SLC25A14: variants seen among roughly 807,000 people sequenced by gnomAD.
SLC25A14 encodes solute carrier family 25 member 14.
A neutral mutation model predicts 28.1 loss-of-function variants in SLC25A14; 8 were observed. The observed-to-expected ratio is 0.28, with a 90% CI of 0.17 to 0.51. The LOEUF (loss-of-function observed/expected upper bound fraction) is 0.51. Ranked by LOEUF, SLC25A14 falls within the 20% of genes least tolerant of loss-of-function variation. The pLI, the probability that SLC25A14 is intolerant of heterozygous loss-of-function variation, is 0.97. For missense variants in SLC25A14, 135 were observed against 263.8 expected (o/e 0.51, Z 3.38); for synonymous variants, 74 against 90.6 (o/e 0.82, Z 1.04).
intron 7 of SLC25A14, among the ~76,000 whole-genome samples, chrX:130,364,008 C>T (rs2034049103): frequency 8.9e-6 from 1 of 112,114 alleles, no homozygotes; most frequent in Non-Finnish European, 1.9e-5. Flanking sequence ...GCTGGGATTA[C>T]AGGCATGAGC....
intron 2 of SLC25A14, among the ~76,000 whole-genome samples, chrX:130,342,005 A>C (rs1269758639): frequency 8.9e-6 from 1 of 112,086 alleles, no homozygotes; most frequent in Non-Finnish European, 1.9e-5. Context: ...ACATAGGTAA[A>C]GGATGTCACA....
chrX:130,371,491 G>A (rs1043335329), intron 9 of SLC25A14, 73 bp from the exon 10 acceptor site: 35 of 731,522 alleles, frequency 4.8e-5, no homozygotes, highest in Non-Finnish European at 7.1e-5. Context: ...TTGCCCTGGG[G>A]TGGGAGTGGA....
intron 7 of SLC25A14, chrX:130,358,986 T>A: frequency 1.0e-6 from 1 of 1,003,860 alleles, no homozygotes; most frequent in Non-Finnish European, 1.3e-6. Context: ...ACAGTGAATG[T>A]AGTTGTTCAG....
chrX:130,357,476 G>C (rs1196966588), intron 6 of SLC25A14, among the ~76,000 whole-genome samples: 1 of 111,888 alleles, frequency 8.9e-6, no homozygotes, highest in Non-Finnish European at 1.9e-5. Context: ...TAGCCCCTCT[G>C]TTGTCAGGAA....
In SLC25A14 at chrX:130,365,759, C is replaced by T. The variant is rs1402242512; in HGVS notation, c.855+83C>T. 8 of 663,200 alleles carry T rather than the reference C, an allele frequency of 1.2e-5. No individual in the cohort carries two copies. The East Asian group carries it at 2.8e-4, about 23-fold the overall frequency. The allele number at this position is 663,200 out of a possible 1,213,427, so 54.7% of individuals were successfully genotyped here. A position where few individuals can be genotyped will look rare whatever the true frequency, so the allele number is the denominator to read the frequency against. ...CTTCAGTTCTTATTATTAGTTGCTA[C>T]ATACCATTTTGAAGATGAAAGAATC... On this transcript the variant is annotated intron_variant, in intron 9 of 10. Coordinates refer to ENST00000545805, the MANE Select transcript of SLC25A14 (RefSeq NM_001282195.2).
intron 2 of SLC25A14, among the ~76,000 whole-genome samples, chrX:130,344,684 C>T (rs2033372955): frequency 9.0e-6 from 1 of 111,582 alleles, no homozygotes; most frequent in African/African-American, 3.3e-5. Context: ...TTATATATAG[C>T]TAGAAACCCT....
chrX:130,344,919 A>G (rs1015043592), intron 2 of SLC25A14, among the ~76,000 whole-genome samples: 1 of 111,422 alleles, frequency 9.0e-6, no homozygotes, highest in Non-Finnish European at 1.9e-5. Flanking sequence ...TGAATATAAC[A>G]TTAAAGAAAC....
chrX:130,350,857 T>C, intron 6 of SLC25A14, 126 bp downstream of exon 6: 1 of 371,730 alleles, frequency 2.7e-6, no homozygotes, highest in East Asian at 4.1e-5. Context: ...TAAGCCTCAA[T>C]TTCATCATTT....
At chrX:130,365,008 A>G in intron 8 of SLC25A14, 2 of 836,874 alleles carry the variant, frequency 2.4e-6, no homozygotes, top group Non-Finnish European at 2.9e-6. Context: ...ACATTTATCC[A>G]TACATAGCTT....
Position 130,349,235 on chromosome X carries a change from C to CTT in SLC25A14, c.318-5_318-4dup, listed in dbSNP as rs34538632. 253 of 850,943 alleles carry CTT rather than the reference C, an allele frequency of 3.0e-4. No homozygotes were observed. The highest frequency in any genetic ancestry group is 6.2e-4 in the Middle Eastern group (2 of 3,204). The allele number at this position is 850,943 out of a possible 1,213,427, so 70.1% of individuals were successfully genotyped here. A position where few individuals can be genotyped will look rare whatever the true frequency, so the allele number is the denominator to read the frequency against. ...TGAAAATGTTGAGAATAACTTTTTA[C>CTT]TTTTTTTTTTTTCAGAATTGCTCCT... On this transcript the variant is annotated splice_polypyrimidine_tract_variant and intron_variant, in intron 4 of 10. Coordinates refer to ENST00000545805, the MANE Select transcript of SLC25A14 (RefSeq NM_001282195.2).
intron 3 of SLC25A14, among the ~76,000 whole-genome samples, chrX:130,345,528 A>G (rs2033406668): frequency 9.0e-6 from 1 of 111,692 alleles, no homozygotes; most frequent in African/African-American, 3.2e-5. Context: ...AGTAAAATAC[A>G]TGAATATATA....
intron 7 of SLC25A14, among the ~76,000 whole-genome samples, chrX:130,363,709 G>C (rs1301308907): frequency 9.0e-6 from 1 of 111,409 alleles, no homozygotes; most frequent in Non-Finnish European, 1.9e-5. Context: ...ACCAACACTT[G>C]CTCTTTTACT....
intron 7 of SLC25A14, among the ~76,000 whole-genome samples, chrX:130,360,377 C>T (rs1486838964): frequency 9.0e-6 from 1 of 111,197 alleles, no homozygotes; most frequent in African/African-American, 3.3e-5. Flanking sequence ...CATACTGCAT[C>T]ACAGCAGGAG....
At chrX:130,344,289 T>G (rs2033356648) in intron 2 of SLC25A14, among the ~76,000 whole-genome samples, 1 of 111,550 alleles carries the variant, frequency 9.0e-6, no homozygotes, top group Admixed American at 9.6e-5. Context: ...TTCTAGATGA[T>G]TCTAATACAT....
intron 7 of SLC25A14, among the ~76,000 whole-genome samples, chrX:130,364,204 C>T (rs1214751674): frequency 1.8e-5 from 2 of 111,666 alleles, no homozygotes; most frequent in African/African-American, 6.5e-5. Context: ...GGTCTTTTGG[C>T]CATTTTAAAA....
At chrX:130,351,757 A>C (rs1375423134) in intron 6 of SLC25A14, among the ~76,000 whole-genome samples, 1 of 111,363 alleles carries the variant, frequency 9.0e-6, no homozygotes, top group Non-Finnish European at 1.9e-5. Context: ...ATTTATTGCA[A>C]TTCAGAGAGG....
At chrX:130,371,460 G>A in intron 9 of SLC25A14, 104 bp from the exon 10 acceptor site, 1 of 530,834 alleles carries the variant, frequency 1.9e-6, no homozygotes, top group South Asian at 2.9e-5. Context: ...TTAGAGAAAA[G>A]ACTATTCATG....
At chrX:130,346,377 A>G (rs914151054) in intron 3 of SLC25A14, among the ~76,000 whole-genome samples, 167 bp from the exon 4 acceptor site, 1 of 112,024 alleles carries the variant, frequency 8.9e-6, no homozygotes, top group African/African-American at 3.2e-5. Context: ...CATTTCACTT[A>G]CCACATGCAA....
Position 130,348,908 on chromosome X carries a change from T to TA in SLC25A14, c.318-334dup, listed in dbSNP as rs373121660. The stretch of plus-strand genomic sequence containing the variant: ...TTTGTTGTCATTTAGACCTGTGAAT[T>TA]AAAAAAAAATTCCTTTGACAGACAC... On this transcript the variant is annotated intron_variant, in intron 4 of 10. Coordinates refer to ENST00000545805, the MANE Select transcript of SLC25A14 (RefSeq NM_001282195.2). Among the ~76,000 whole-genome samples the TA allele has an allele frequency of 6.2e-4, 67 of 107,527 alleles. 2 individuals carry two copies. The highest frequency in any genetic ancestry group is 1.7e-3 in the African/African-American group (51 of 29,687). The allele number at this position is 107,527 out of a possible 115,157, so 93.4% of individuals were successfully genotyped here. A position where few individuals can be genotyped will look rare whatever the true frequency, so the allele number is the denominator to read the frequency against.
Sources: gnomAD v4.1 joint callset for allele counts (sites outside exome capture counted in the v4.1 genomes callset) on GRCh38, gnomAD v4.1.1 for gene constraint, MANE v1.5 for transcripts, NCBI Gene and HGNC (gene_info 2026-07-23, HGNC 2026-07-21) for gene names.